KANK1: variants seen among roughly 807,000 people sequenced by gnomAD.
KANK1 encodes KN motif and ankyrin repeat domains 1.
Under a neutral mutation model 106.2 loss-of-function variants are expected in KANK1, and 109 were observed. The ratio of observed to expected loss-of-function variants is 1.03; its 90% CI spans 0.88 to 1.20. The LOEUF (loss-of-function observed/expected upper bound fraction) is 1.20, where lower values mean the gene tolerates loss of function less well. KANK1 is among the 50% of genes most tolerant of loss of function. KANK1 has a pLI of 0.00. For synonymous variants in KANK1, 873 were observed against 652.2 expected (o/e 1.34, Z -5.16); for missense variants, 2,399 against 1,710.7 (o/e 1.40, Z -7.10).
intron 1 of KANK1, among the ~76,000 whole-genome samples, chr9:591,292 T>C (rs376462395): frequency 6.6e-6 from 1 of 151,936 alleles, no homozygotes; most frequent in East Asian, 1.9e-4. Flanking sequence ...TCTTTTTCTT[T>C]ATGGTTTCCA....
chr9:737,978 T>C (rs1313848608), intron 7 of KANK1, among the ~76,000 whole-genome samples: 1 of 152,228 alleles, frequency 6.6e-6, no homozygotes, highest in Non-Finnish European at 1.5e-5. Context: ...ATAACTTCCC[T>C]CGGGTCATAA....
chr9:580,219 G>T (rs1210993495), intron 1 of KANK1, among the ~76,000 whole-genome samples: 1 of 151,932 alleles, frequency 6.6e-6, no homozygotes, highest in African/African-American at 2.4e-5. Flanking sequence ...CTCCGGTCTG[G>T]AGTTGTTCAT....
chr9:734,872 C>G, intron 7 of KANK1, 37 bp downstream of exon 7: 1 of 1,470,836 alleles, frequency 6.8e-7, no homozygotes, highest in Non-Finnish European at 9.5e-7. Context: ...CCAGTGTGTA[C>G]AAAGTGCATG....
chr9:690,441 A>C (rs1819643150), intron 2 of KANK1, among the ~76,000 whole-genome samples: 1 of 152,192 alleles, frequency 6.6e-6, no homozygotes, highest in African/African-American at 2.4e-5. Flanking sequence ...GCATGACATA[A>C]GCTTCATCTG....
rs138739899 is a variant in KANK1, at chr9:713,310, G to C, written c.2544G>C (p.Leu848=). The change falls in exon 3 of 12, where the codon CTG becomes CTC. Residue 848 remains leucine, a synonymous_variant. Transcript: ENST00000382297. ...TGCTGGCTGAGAACTACAGTGAACTGGCAGAAGCTTTCGGGGAACCTCACT... is the reference window on the plus strand; with the variant it reads ...TGCTGGCTGAGAACTACAGTGAACTCGCAGAAGCTTTCGGGGAACCTCACT... The part of the protein sequence containing the change: ...QTLLAENYSE[L]AEAFGEPHSQ... 1,590 of 1,614,186 alleles carry C rather than the reference G, an allele frequency of 9.9e-4. 1 individual carries two copies. Among genetic ancestry groups the C allele is most frequent in the Non-Finnish European group, 1.2e-3 (1,451 of 1,180,048 alleles).
chr9:504,504 G>C (rs944478173), upstream of KANK1, among the ~76,000 whole-genome samples: 1 of 151,578 alleles, frequency 6.6e-6, no homozygotes, highest in African/African-American at 2.4e-5. Context: ...GAGCAGCCGG[G>C]GCTTCGCCGG....
chr9:738,086 G>T (rs2132059372), intron 7 of KANK1, among the ~76,000 whole-genome samples, 199 bp from the exon 8 acceptor site: 1 of 151,966 alleles, frequency 6.6e-6, no homozygotes, highest in South Asian at 2.1e-4. Context: ...ATAGACATTA[G>T]AATCTACACG....
chr9:483,633 G>C (rs999469273), intron 3 of KANK1, among the ~76,000 whole-genome samples: 2 of 152,170 alleles, frequency 1.3e-5, no homozygotes, highest in East Asian at 3.9e-4. Context: ...AAGGTTCCTG[G>C]TGCCATCCCT....
intron 2 of KANK1, among the ~76,000 whole-genome samples, chr9:678,222 T>C (rs1816795319): frequency 6.6e-6 from 1 of 152,192 alleles, no homozygotes. Context: ...TTTTATAGAT[T>C]CTGCTGTGGG....
At position 577,409 on chromosome 9, in the gene KANK1, A is replaced by G. The variant is rs1003249152; in HGVS notation, c.-84+72655A>G. 3.9e-5 allele frequency among the ~76,000 whole-genome samples: 6 copies of G among 152,160 alleles called. 1 individual carries two copies. The highest frequency in any genetic ancestry group is 1.4e-4 in the African/African-American group (6 of 41,412). On this transcript the variant is annotated intron_variant, in intron 1 of 11. Coordinates refer to ENST00000382297, the MANE Select transcript of KANK1 (RefSeq NM_015158.5). ...CTGGTGTGTTTACAAACCTTTAGAC[A>G]CAGAGCGCTGATTGGTGCGTTTTTA...
intron 2 of KANK1, among the ~76,000 whole-genome samples, chr9:694,772 T>TTC (rs1564001052): frequency 1.6e-4 from 24 of 152,134 alleles, no homozygotes; most frequent in Non-Finnish European, 2.5e-4. Context: ...CAGAGTAGAA[T>TTC]TGGCAATACC....
rs150559657 is a variant in KANK1 at position 691,535 on chromosome 9, G to T, written c.37+14526G>T. ...CTTGGCCTCCCAAAGTGCTAGGATT[G>T]CGGGCATGAGCCACTGCACCCAGCC... On this transcript the variant is annotated intron_variant, in intron 2 of 11. Coordinates refer to ENST00000382297, the MANE Select transcript of KANK1 (RefSeq NM_015158.5). 4.1e-3 allele frequency among the ~76,000 whole-genome samples: 612 copies of T among 149,850 alleles called. 9 individuals carry two copies. Among genetic ancestry groups the T allele is most frequent in the African/African-American group, 0.014 (584 of 40,842 alleles).
chr9:660,170 G>C (rs1842981421), intron 1 of KANK1: 1 of 310,320 alleles, frequency 3.2e-6, no homozygotes, highest in South Asian at 3.4e-5. Context: ...ACCAATGAAG[G>C]CATTTAAAAA....
At chr9:573,522 G>A (rs1431346880) in intron 1 of KANK1, among the ~76,000 whole-genome samples, 1 of 151,912 alleles carries the variant, frequency 6.6e-6, no homozygotes, top group Non-Finnish European at 1.5e-5. Flanking sequence ...CGCCCTCCTC[G>A]GCCTCCCAAA....
intron 1 of KANK1, among the ~76,000 whole-genome samples, chr9:625,523 C>T (rs756398147): frequency 2.0e-5 from 3 of 151,958 alleles, no homozygotes; most frequent in Non-Finnish European, 4.4e-5. Context: ...TGGGCCTTCT[C>T]ATAGTTATCC....
chr9:567,600 C>T (rs866547932), intron 1 of KANK1, among the ~76,000 whole-genome samples: 3 of 152,182 alleles, frequency 2.0e-5, no homozygotes, highest in Non-Finnish European at 2.9e-5. Flanking sequence ...TGATTGGAGC[C>T]AGCAAAGAGA....
At chr9:594,697 G>T (rs2641997) in intron 1 of KANK1, among the ~76,000 whole-genome samples, 125,094 of 151,676 alleles carry the variant, frequency 0.82, 52,095 homozygotes, top group African/African-American at 0.92. Flanking sequence ...TTATAGATGT[G>T]TCTGAAGGTT....
At chr9:619,132 TCC>T (rs901924024) in intron 1 of KANK1, among the ~76,000 whole-genome samples, 1 of 152,208 alleles carries the variant, frequency 6.6e-6, no homozygotes, top group African/African-American at 2.4e-5. Context: ...GTTAAAAGCT[TCC>T]TTGTAGTTCT....
intron 1 of KANK1, among the ~76,000 whole-genome samples, chr9:656,983 C>G (rs1277288646): frequency 1.3e-5 from 2 of 152,222 alleles, no homozygotes; most frequent in Middle Eastern, 3.4e-3. Context: ...CATGACAGAT[C>G]TCTAGAACTT....
Sources: gnomAD v4.1 joint callset for allele counts (sites outside exome capture counted in the v4.1 genomes callset) on GRCh38, gnomAD v4.1.1 for gene constraint, MANE v1.5 for transcripts, NCBI Gene and HGNC (gene_info 2026-07-23, HGNC 2026-07-21) for gene names.